The following ISCA1 variants were observed in gnomAD, a reference collection of about 807,000 sequenced individuals.
ISCA1 encodes iron-sulfur cluster assembly 1 homolog, mitochondrial.
In ISCA1, 9 loss-of-function variants were observed where a neutral mutation model predicts 14.7. The observed-to-expected ratio is 0.61, with a 90% CI of 0.37 to 1.07. The LOEUF (loss-of-function observed/expected upper bound fraction) is 1.07, where lower values mean the gene tolerates loss of function less well. Ranked by LOEUF, ISCA1 falls within the 50% of genes least tolerant of loss-of-function variation. ISCA1 has a pLI of 0.01. For synonymous variants in ISCA1, 38 were observed against 54.3 expected (o/e 0.70, Z 1.32); for missense variants, 102 against 150.1 (o/e 0.68, Z 1.67).
chr9:86,274,290 G>T, intron 1 of ISCA1, 48 bp from the exon 2 acceptor site: 1 of 1,245,216 alleles, frequency 8.0e-7, no homozygotes, highest in Non-Finnish European at 1.2e-6. Flanking sequence ...GTTATTCAAA[G>T]CCTCATATTT....
In ISCA1 at chr9:86,270,637, T is replaced by C. The variant is rs1025784932; in HGVS notation, c.241+1370A>G. 1.4e-3 allele frequency among the ~76,000 whole-genome samples: 210 copies of C among 152,178 alleles called. 1 individual carries two copies. The highest frequency in any genetic ancestry group is 4.8e-3 in the African/African-American group (198 of 41,506). On this transcript the variant is annotated intron_variant, in intron 3 of 3. Transcript: ENST00000375991. Reference sequence around the variant, plus strand: ...CAAATCATGCTGCTATAAAGACACATGCACACGTATGTTTACTGTGGCACT... The same window carrying C: ...CAAATCATGCTGCTATAAAGACACACGCACACGTATGTTTACTGTGGCACT...
chr9:86,281,691 C>T (rs1191241834), intron 1 of ISCA1, among the ~76,000 whole-genome samples: 1 of 152,256 alleles, frequency 6.6e-6, no homozygotes, highest in Non-Finnish European at 1.5e-5. Flanking sequence ...TGGTTGCACT[C>T]TGGTGCCCTC....
At chr9:86,282,282 G>T (rs1825530706) in intron 1 of ISCA1, 96 bp downstream of exon 1, 3 of 1,340,240 alleles carry the variant, frequency 2.2e-6, no homozygotes, top group South Asian at 1.4e-5. Context: ...ACGTGTCCGC[G>T]TCCCTGCGGC....
intron 1 of ISCA1, 76 bp downstream of exon 1, chr9:86,282,302 G>A (rs1452473671): frequency 2.0e-6 from 3 of 1,464,734 alleles, no homozygotes; most frequent in Admixed American, 2.3e-5. Context: ...CCCCACTCCC[G>A]GCCGCCGTGA....
At chr9:86,269,356 T>C (rs1377865354) in intron 3 of ISCA1, among the ~76,000 whole-genome samples, 1 of 152,094 alleles carries the variant, frequency 6.6e-6, no homozygotes, top group Non-Finnish European at 1.5e-5. Context: ...TCAAAGAGAA[T>C]AAAATACTTA....
chr9:86,282,075 G>A (rs1291942542), intron 1 of ISCA1: 3 of 427,820 alleles, frequency 7.0e-6, no homozygotes, highest in Non-Finnish European at 1.3e-5. Context: ...GGAGTGTGGA[G>A]GCGATCGGCC....
chr9:86,265,769 G>C lies in ISCA1; in HGVS notation c.*274C>G. 6.0e-6 allele frequency: 3 copies of C among 500,662 alleles called. No homozygotes were observed. The highest frequency in any genetic ancestry group is 1.1e-5 in the Non-Finnish European group (3 of 269,190). 31.0% of individuals were successfully genotyped at this position (500,662 alleles called of 1,614,324 possible). ...AGGAGTGCACACAGTTCAGGAAATG[G>C]ATAAACAGGTGCCCAGGAAGGCAAC... On this transcript the variant is annotated 3_prime_UTR_variant, in exon 4 of 4. Transcript: ENST00000375991.
intron 2 of ISCA1, among the ~76,000 whole-genome samples, chr9:86,272,907 C>T (rs1277378606): frequency 6.6e-6 from 1 of 152,176 alleles, no homozygotes; most frequent in Non-Finnish European, 1.5e-5. Context: ...AATACAGATG[C>T]AACCTTCTAT....
Position 86,271,979 on chromosome 9 carries a change from G to A in ISCA1, c.241+28C>T, listed in dbSNP as rs190800005. On this transcript the variant is annotated intron_variant, in intron 3 of 3. Transcript: ENST00000375991. The stretch of plus-strand genomic sequence containing the variant: ...CTAATAATTTTAGGCAAAACAATGT[G>A]CCCAAAAAATGTTTGTTAAAAACTC... 8 of 1,313,642 alleles carry A rather than the reference G, an allele frequency of 6.1e-6. No individual in the cohort carries two copies. The East Asian group carries it at 1.8e-4, about 30-fold the overall frequency. 81.4% of individuals were successfully genotyped at this position (1,313,642 alleles called of 1,614,324 possible). A position where few individuals can be genotyped will look rare whatever the true frequency, so the allele number is the denominator to read the frequency against.
At chr9:86,275,314 T>A (rs1357691420) in intron 1 of ISCA1, among the ~76,000 whole-genome samples, 1 of 152,256 alleles carries the variant, frequency 6.6e-6, no homozygotes, top group Non-Finnish European at 1.5e-5. Context: ...CAGTCCCTTG[T>A]ACTGACATTT....
At chr9:86,277,151 A>C (rs1453108320) in intron 1 of ISCA1, among the ~76,000 whole-genome samples, 1 of 152,192 alleles carries the variant, frequency 6.6e-6, no homozygotes, top group Non-Finnish European at 1.5e-5. Flanking sequence ...GAAACACTTA[A>C]ATACAGTAAA....
intron 3 of ISCA1, among the ~76,000 whole-genome samples, chr9:86,269,229 A>T (rs1825333642): frequency 6.6e-6 from 1 of 152,232 alleles, no homozygotes; most frequent in Non-Finnish European, 1.5e-5. Context: ...GCTGATAAGC[A>T]ACTTCAGCAA....
intron 3 of ISCA1, among the ~76,000 whole-genome samples, 176 bp downstream of exon 3, chr9:86,271,831 T>A (rs1312684239): frequency 6.6e-6 from 1 of 152,226 alleles, no homozygotes; most frequent in Non-Finnish European, 1.5e-5. Context: ...ACCACCCACA[T>A]TCAGCATTGT....
chr9:86,270,908 A>G (rs1254496462), intron 3 of ISCA1, among the ~76,000 whole-genome samples: 3 of 136,322 alleles, frequency 2.2e-5, no homozygotes, highest in Non-Finnish European at 3.1e-5. Context: ...ACACATGGAC[A>G]CAGGAAGGGA....
intron 3 of ISCA1, among the ~76,000 whole-genome samples, chr9:86,271,104 TAATAAA>T (rs1825363585): frequency 6.6e-6 from 1 of 150,864 alleles, no homozygotes; most frequent in South Asian, 2.1e-4. Context: ...ATAATAATAA[TAATAAA>T]AGAAATTTCA....
intron 3 of ISCA1, among the ~76,000 whole-genome samples, chr9:86,269,767 G>C (rs1174574965): frequency 6.6e-6 from 1 of 151,216 alleles, no homozygotes; most frequent in African/African-American, 2.4e-5. Flanking sequence ...GAACAGAACA[G>C]AGCCCTCAGA....
intron 3 of ISCA1, 24 bp downstream of exon 3, chr9:86,271,982 CA>C: frequency 7.3e-7 from 1 of 1,375,660 alleles, no homozygotes; most frequent in Non-Finnish European, 1.0e-6. Flanking sequence ...ACAATGTGCC[CA>C]AAAAATGTTT....
At chr9:86,282,150 A>C in intron 1 of ISCA1, 1 of 556,534 alleles carries the variant, frequency 1.8e-6, no homozygotes, top group Non-Finnish European at 3.1e-6. Flanking sequence ...GCCTGACGGG[A>C]AACGTAGTTT....
intron 2 of ISCA1, 70 bp from the exon 3 acceptor site, chr9:86,272,182 G>C: frequency 2.2e-6 from 2 of 926,400 alleles, no homozygotes; most frequent in Non-Finnish European, 3.5e-6. Flanking sequence ...CTAATAAAGT[G>C]ACAGTAGCCT....
Sources: gnomAD v4.1 joint callset for allele counts (sites outside exome capture counted in the v4.1 genomes callset) on GRCh38, gnomAD v4.1.1 for gene constraint, MANE v1.5 for transcripts, NCBI Gene and HGNC (gene_info 2026-07-23, HGNC 2026-07-21) for gene names.